TTC34: variants seen among roughly 807,000 people sequenced by gnomAD.
TTC34 encodes the protein tetratricopeptide repeat domain 34.
A neutral mutation model predicts 40.7 loss-of-function variants in TTC34; 44 were observed. The ratio of observed to expected loss-of-function variants is 1.08; its 90% CI spans 0.85 to 1.39. TTC34 has a LOEUF of 1.39. Ranked by LOEUF, TTC34 falls within the 40% of genes most tolerant of loss-of-function variation. TTC34 has a pLI of 0.00. For synonymous variants in TTC34, 422 were observed against 398.6 expected, an observed-to-expected ratio of 1.06 and a Z score of -0.70; for missense variants, 884 against 838.0, an observed-to-expected ratio of 1.05 and a Z score of -0.68.
intron 6 of TTC34, among the ~76,000 whole-genome samples, chr1:2,688,577 G>A (rs536852466): frequency 7.1e-6 from 1 of 140,708 alleles, no homozygotes; most frequent in South Asian, 2.2e-4. Flanking sequence ...ACACCTTCCG[G>A]CGCGCATCCG....
At chr1:2,651,778 T>C (rs1013304667) in intron 6 of TTC34, among the ~76,000 whole-genome samples, 1 of 151,906 alleles carries the variant, frequency 6.6e-6, no homozygotes, top group East Asian at 1.9e-4. Context: ...CAGATGAGCA[T>C]CTGACAGCCG....
intron 8 of TTC34, among the ~76,000 whole-genome samples, chr1:2,642,988 G>A (rs1226165234): frequency 6.6e-6 from 1 of 152,228 alleles, no homozygotes; most frequent in Admixed American, 6.5e-5. Flanking sequence ...TCTCCGGGCG[G>A]AGGCACCTGA....
intron 6 of TTC34, among the ~76,000 whole-genome samples, chr1:2,657,483 A>T (rs1168086426): frequency 1.4e-5 from 1 of 72,934 alleles, no homozygotes; most frequent in Non-Finnish European, 3.3e-5. Context: ...ATCTGACCGA[A>T]CGGAGCAGCA....
rs61766520 is a variant in TTC34, at chr1:2,781,126, G to A, written c.2226+2483C>T. 3.9e-3 allele frequency among the ~76,000 whole-genome samples: 592 copies of A among 152,112 alleles called. 2 individuals are homozygous for A. Among genetic ancestry groups the A allele is most frequent in the South Asian group, 0.011 (55 of 4,806 alleles). ...CCAGCCTTTCATATTGGTGGGTTCC[G>A]AATCCACAGCCAAATGCAGATCAGT... On this transcript the variant is annotated intron_variant, in intron 6 of 8. Coordinates refer to ENST00000401095, the Ensembl canonical transcript of TTC34.
chr1:2,641,334 C>A, exon 9 of TTC34: 1 of 1,458,682 alleles, frequency 6.9e-7, no homozygotes, highest in Non-Finnish European at 9.0e-7. Context: ...CTAGGGTGGC[C>A]CCGTGATTAG....
intron 6 of TTC34, among the ~76,000 whole-genome samples, chr1:2,758,358 C>G (rs1299503220): frequency 2.5e-5 from 2 of 79,250 alleles, no homozygotes; most frequent in Non-Finnish European, 4.5e-5. Flanking sequence ...CCCTGCACCC[C>G]AAGGAGAGCA....
intron 6 of TTC34, among the ~76,000 whole-genome samples, chr1:2,755,804 G>A (rs1465149630): frequency 2.5e-5 from 2 of 81,186 alleles, no homozygotes; most frequent in Non-Finnish European, 2.3e-5. Context: ...GCATCTGATG[G>A]TCTGGAGCAG....
At chr1:2,758,178 G>A (rs1341959291) in intron 6 of TTC34, among the ~76,000 whole-genome samples, 1 of 115,788 alleles carries the variant, frequency 8.6e-6, no homozygotes, top group Non-Finnish European at 1.8e-5. Flanking sequence ...CTGACAGCCT[G>A]GAACAGCACC....
exon 9 of TTC34, chr1:2,639,564 T>C (rs1217404089): frequency 6.6e-6 from 1 of 152,470 alleles, no homozygotes; most frequent in Non-Finnish European, 1.5e-5. Flanking sequence ...TCCCTGAACT[T>C]AGCTCTTGGG....
At chr1:2,764,251 A>C (rs1318222946) in intron 6 of TTC34, among the ~76,000 whole-genome samples, 2 of 150,414 alleles carry the variant, frequency 1.3e-5, no homozygotes, top group Admixed American at 6.6e-5. Context: ...AGCCTGGAGC[A>C]GCACGCACAC....
At chr1:2,651,072 C>G (rs1423481698) in intron 6 of TTC34, among the ~76,000 whole-genome samples, 1 of 151,160 alleles carries the variant, frequency 6.6e-6, no homozygotes, top group Non-Finnish European at 1.5e-5. Flanking sequence ...GTCACACCCC[C>G]AGGTAAGCAT....
chr1:2,759,503 G>A (rs1641621155), intron 6 of TTC34, among the ~76,000 whole-genome samples: 2 of 145,772 alleles, frequency 1.4e-5, no homozygotes, highest in Non-Finnish European at 1.5e-5. Flanking sequence ...CGGGCAGCCT[G>A]GAGCAGCACC....
intron 6 of TTC34, among the ~76,000 whole-genome samples, chr1:2,684,743 A>C (rs1640244196): frequency 7.7e-6 from 1 of 130,508 alleles, no homozygotes; most frequent in South Asian, 2.4e-4. Context: ...GACAGCCTGG[A>C]ACAGCACCAA....
chr1:2,676,962 C>T (rs986993116), intron 6 of TTC34, among the ~76,000 whole-genome samples: 40 of 146,164 alleles, frequency 2.7e-4, no homozygotes, highest in Admixed American at 5.4e-4. Flanking sequence ...GGAACAGCAC[C>T]CTGCACCCCC....
At chr1:2,683,965 C>A (rs4648676) in intron 6 of TTC34, among the ~76,000 whole-genome samples, 1 of 63,288 alleles carries the variant, frequency 1.6e-5, no homozygotes, top group East Asian at 4.6e-4. Flanking sequence ...CACAGTTGAG[C>A]ATCTGACAGC....
At position 2,796,354 on chromosome 1, in the gene TTC34, C is replaced by A. The variant is rs1643709900; in HGVS notation, c.784+3690G>T. On this transcript the variant is annotated intron_variant, in intron 2 of 8. Transcript: ENST00000401095. This position sits in a 1 kb window ranked among gnomAD's most constrained non-coding sequence, Gnocchi z 4.5. Reference sequence around the variant, plus strand: ...GTAAAAAGTCTGTTATAGGAAAATTCATTTCTTCTCTTCTCATCGTAAGCC... The same window carrying A: ...GTAAAAAGTCTGTTATAGGAAAATTAATTTCTTCTCTTCTCATCGTAAGCC... Among the ~76,000 whole-genome samples the A allele has an allele frequency of 6.6e-6, 1 of 152,210 alleles. No individual in the cohort carries two copies.
At chr1:2,660,067 A>ACC (rs1413437975) in intron 6 of TTC34, among the ~76,000 whole-genome samples, 1 of 145,270 alleles carries the variant, frequency 6.9e-6, no homozygotes, top group African/African-American at 2.5e-5. Context: ...CAGCACCCAC[A>ACC]CCCCCAGGAG....
Position 2,797,287 on chromosome 1 carries a change from A to C in TTC34, c.784+2757T>G, listed in dbSNP as rs113467020. Among the ~76,000 whole-genome samples the C allele has an allele frequency of 3.2e-3, 488 of 150,764 alleles. 3 individuals are homozygous for C. The highest frequency in any genetic ancestry group is 0.018 in the South Asian group (87 of 4,826). The stretch of plus-strand genomic sequence containing the variant: ...CTAATACTGCCATCCTCACCTCCAG[A>C]TGTCTGCTGGCCTGGGATGGGGGCT... On this transcript the variant is annotated intron_variant, in intron 2 of 8. Transcript: ENST00000401095.
At chr1:2,697,781 TGACAGCC>T (rs1640937810) in intron 6 of TTC34, among the ~76,000 whole-genome samples, 1 of 138,624 alleles carries the variant, frequency 7.2e-6, no homozygotes. Context: ...GGCGAGCATC[TGACAGCC>T]TGGAACAGCA....
Sources: gnomAD v4.1 joint callset for allele counts (sites outside exome capture counted in the v4.1 genomes callset) on GRCh38, gnomAD v4.1.1 for gene constraint, Gnocchi (gnomAD v3.1) non-coding constraint, MANE v1.5 for transcripts, NCBI Gene and HGNC (gene_info 2026-07-23, HGNC 2026-07-21) for gene names.